Variants in LSM5 observed in about 807,000 individuals in gnomAD.
The protein encoded by LSM5 is LSM5 homolog, U6 small nuclear RNA and mRNA degradation associated.
A neutral mutation model predicts 13.8 loss-of-function variants in LSM5; 8 were observed. That is an observed-to-expected ratio of 0.58 (90% CI 0.34 to 1.04). LSM5 has a LOEUF of 1.04. Ranked by LOEUF, LSM5 falls within the 50% of genes least tolerant of loss-of-function variation. LSM5 has a pLI of 0.03. For missense variants in LSM5, 80 were observed against 108.1 expected, an observed-to-expected ratio of 0.74 and a Z score of 1.15; for synonymous variants, 35 against 37.0, an observed-to-expected ratio of 0.95 and a Z score of 0.20.
intron 4 of LSM5, 123 bp from the exon 5 acceptor site, chr7:32,487,416 T>C: frequency 1.3e-6 from 1 of 750,612 alleles, no homozygotes; most frequent in Non-Finnish European, 2.3e-6. Flanking sequence ...TTCTCCAGAT[T>C]GTCAGTATCT....
chr7:32,487,489 G>A (rs988840226), intron 4 of LSM5, 196 bp from the exon 5 acceptor site: 3 of 662,184 alleles, frequency 4.5e-6, no homozygotes, highest in South Asian at 1.8e-5. Context: ...AAAGTTCCAA[G>A]CAAACTAACC....
Position 32,488,909 on chromosome 7 carries a change from G to A in LSM5, c.143-257C>T, listed in dbSNP as rs116468250. Among the ~76,000 whole-genome samples the A allele has an allele frequency of 7.1e-3, 1,078 of 152,126 alleles. 14 individuals carry two copies. The highest frequency in any genetic ancestry group is 0.024 in the African/African-American group (1,011 of 41,468). On this transcript the variant is annotated intron_variant, in intron 2 of 4. Coordinates refer to ENST00000450169, the MANE Select transcript of LSM5 (RefSeq NM_012322.3). The stretch of plus-strand genomic sequence containing the variant: ...CCAGCTAATTTTTGTAATTTTTGTG[G>A]AGACAGGGTTTCATCATCTTGCCCA...
At position 32,488,633 on chromosome 7, in the gene LSM5, G is replaced by A. The variant is rs181172675; in HGVS notation, c.162C>T (p.Val54=). The A allele has an allele frequency of 1.9e-4, 303 of 1,597,616 alleles. 3 individuals carry two copies. The East Asian group carries it at 6.4e-3, about 34-fold the overall frequency. The part of the protein sequence containing the change: ...DDFVNMVLED[V]TEFEITPEGR... ...TCTTTAACACTACTCACAACTCAGT[G>A]ACATCTTCCAGTACCATATCTGAAA... Residue 54 remains valine, a synonymous_variant, in exon 3 of 5, where the codon GTC becomes GTT. Coordinates refer to ENST00000450169, the MANE Select transcript of LSM5 (RefSeq NM_012322.3).
upstream of LSM5, among the ~76,000 whole-genome samples, chr7:32,492,644 G>T (rs919393819): frequency 5.9e-5 from 9 of 152,200 alleles, no homozygotes; most frequent in African/African-American, 1.9e-4. Context: ...TTACATAGTA[G>T]AGTTAATGGG....
chr7:32,487,305 G>C lies in LSM5; in HGVS notation c.244-12C>G. On this transcript the variant is annotated splice_polypyrimidine_tract_variant and intron_variant, in intron 4 of 4. Transcript: ENST00000450169. ...CCTCCAGGAACCAGCTGCATAAAGAGGAAAAAGAGTTTATTAATAACACTA... is the reference window on the plus strand; with the variant it reads ...CCTCCAGGAACCAGCTGCATAAAGACGAAAAAGAGTTTATTAATAACACTA... The C allele has an allele frequency of 6.2e-7, 1 of 1,612,444 alleles. No homozygotes were observed. Among genetic ancestry groups the C allele is most frequent in the Non-Finnish European group, 8.5e-7 (1 of 1,178,876 alleles).
intron 1 of LSM5, chr7:32,490,041 G>A (rs945623175): frequency 2.1e-6 from 3 of 1,415,366 alleles, no homozygotes; most frequent in Middle Eastern, 2.2e-4. Context: ...CACTGCAGAG[G>A]CGGGCTCACA....
chr7:32,490,062 C>T, intron 1 of LSM5: 2 of 1,453,828 alleles, frequency 1.4e-6, no homozygotes, highest in South Asian at 2.5e-5. Context: ...ACAAAGTAGG[C>T]CGACGACGCG....
intron 1 of LSM5, 49 bp downstream of exon 1, chr7:32,490,271 A>C: frequency 6.2e-7 from 1 of 1,613,954 alleles, no homozygotes. Flanking sequence ...TCGGCCCCCA[A>C]TCCTGAATGT....
At chr7:32,488,738 T>C (rs765648649) in intron 2 of LSM5, 86 bp from the exon 3 acceptor site, 1 of 974,522 alleles carries the variant, frequency 1.0e-6, no homozygotes, top group Non-Finnish European at 1.6e-6. Context: ...TTTGTTTTTG[T>C]TTTGAGACAA....
At position 32,486,230 on chromosome 7, in the gene LSM5, T is replaced by C. The variant is rs971964309; in HGVS notation, c.*1031A>G. 2 of 152,206 alleles carry C rather than the reference T, an allele frequency of 1.3e-5. No homozygotes were observed. The highest frequency in any genetic ancestry group is 2.9e-5 in the Non-Finnish European group (2 of 68,038). The allele number at this position is 152,206 out of a possible 1,614,324, so 9.4% of individuals were successfully genotyped here. On this transcript the variant is annotated 3_prime_UTR_variant, in exon 5 of 5. Coordinates refer to ENST00000450169, the MANE Select transcript of LSM5 (RefSeq NM_012322.3). Reference sequence around the variant, plus strand: ...CAGTAAGAATAGGCTAAATAATTTATAGTAAATCCATTTAATACTATGTAC... The same window carrying C: ...CAGTAAGAATAGGCTAAATAATTTACAGTAAATCCATTTAATACTATGTAC...
chr7:32,489,222 T>C (rs774892966), intron 2 of LSM5, 27 bp downstream of exon 2: 1 of 1,164,246 alleles, frequency 8.6e-7, no homozygotes, highest in Non-Finnish European at 1.3e-6. Flanking sequence ...GAAAAACCTA[T>C]ACCACCACCA....
chr7:32,488,903 T>A (rs1786509232), intron 2 of LSM5, among the ~76,000 whole-genome samples: 1 of 152,144 alleles, frequency 6.6e-6, no homozygotes, highest in Non-Finnish European at 1.5e-5. Flanking sequence ...TTTTGTAATT[T>A]TTGTGGAGAC....
chr7:32,488,263 T>A (rs1333001460), intron 3 of LSM5: 1 of 217,036 alleles, frequency 4.6e-6, no homozygotes, highest in African/African-American at 2.3e-5. Flanking sequence ...GGTCTCAAAC[T>A]CCCAGGCTTA....
intron 3 of LSM5, 198 bp from the exon 4 acceptor site, chr7:32,487,955 C>CT (rs1480366340): frequency 1.9e-6 from 1 of 521,044 alleles, no homozygotes; most frequent in Non-Finnish European, 3.5e-6. Context: ...AATGAACTCA[C>CT]TGACACTAAG....
Position 32,486,626 on chromosome 7 carries a change from A to G in LSM5, c.*635T>C, listed in dbSNP as rs1034802499. 6.6e-6 allele frequency: 1 copy of G among 152,466 alleles called. No homozygotes were observed. The highest frequency in any genetic ancestry group is 2.4e-5 in the African/African-American group (1 of 41,466). 9.4% of individuals were successfully genotyped at this position (152,466 alleles called of 1,614,324 possible). On this transcript the variant is annotated 3_prime_UTR_variant, in exon 5 of 5. Transcript: ENST00000450169. ...CCACTCATTTCCTGGCAATTCAGTAATAACTACATTAAGGTAATAACCTTC... is the reference window on the plus strand; with the variant it reads ...CCACTCATTTCCTGGCAATTCAGTAGTAACTACATTAAGGTAATAACCTTC...
At chr7:32,491,076 T>C (rs1786573141), upstream of LSM5, among the ~76,000 whole-genome samples, 2 of 152,188 alleles carry the variant, frequency 1.3e-5, no homozygotes, top group South Asian at 2.1e-4. Flanking sequence ...CTAGTCTGTT[T>C]TATATTTGTA....
upstream of LSM5, among the ~76,000 whole-genome samples, chr7:32,492,544 C>A (rs1188810969): frequency 6.7e-6 from 1 of 150,076 alleles, no homozygotes; most frequent in East Asian, 1.9e-4. Context: ...AAAAAAAAAA[C>A]AGAATAAACA....
intron 1 of LSM5, 150 bp downstream of exon 1, chr7:32,490,170 G>A (rs1211521568): frequency 1.3e-6 from 2 of 1,552,464 alleles, no homozygotes; most frequent in Admixed American, 3.9e-5. Context: ...GGTGCGGCCT[G>A]CTGTCGCGAA....
chr7:32,489,094 A>G lies in LSM5; in HGVS notation c.142+155T>C, dbSNP rs542824139. ...AATGCTTGTTGTTGATAGGAACTTT[A>G]CCGTCTTTCAATACATACCTCTTAA... On this transcript the variant is annotated intron_variant, in intron 2 of 4. Transcript: ENST00000450169. 38 of 569,914 alleles carry G rather than the reference A, an allele frequency of 6.7e-5. No homozygotes were observed. In the South Asian group the frequency reaches 9.1e-4, roughly 14 times the overall value. The allele number at this position is 569,914 out of a possible 1,614,324, so 35.3% of individuals were successfully genotyped here.
Sources: gnomAD v4.1 joint callset for allele counts (sites outside exome capture counted in the v4.1 genomes callset) on GRCh38, gnomAD v4.1.1 for gene constraint, MANE v1.5 for transcripts, NCBI Gene and HGNC (gene_info 2026-07-23, HGNC 2026-07-21) for gene names.